Variants in TIAM1 observed in about 807,000 individuals in gnomAD.
The protein encoded by TIAM1 is TIAM Rac1 associated GEF 1.
In TIAM1, 65 loss-of-function variants were observed where a neutral mutation model predicts 163.5. That is an observed-to-expected ratio of 0.40 (90% CI 0.33 to 0.49). TIAM1 has a LOEUF of 0.49. Ranked by LOEUF, TIAM1 falls within the 20% of genes least tolerant of loss-of-function variation. The pLI, the probability that TIAM1 is intolerant of heterozygous loss-of-function variation, is 0.77. For synonymous variants in TIAM1, 833 were observed against 810.1 expected (o/e 1.03, Z -0.48); for missense variants, 1,789 against 2,044.7 (o/e 0.87, Z 2.41).
chr21:31,427,444 G>A (rs555747722), intron 2 of TIAM1, among the ~76,000 whole-genome samples: 129 of 151,910 alleles, frequency 8.5e-4, no homozygotes, highest in Non-Finnish European at 6.0e-4. Context: ...CCGAGATTAT[G>A]CCACTGCACT....
chr21:31,385,829 A>C (rs1335457150), intron 2 of TIAM1, among the ~76,000 whole-genome samples: 1 of 147,342 alleles, frequency 6.8e-6, no homozygotes, highest in African/African-American at 2.5e-5. Context: ...AAAATGTTTA[A>C]TATATTATAT....
chr21:31,242,234 A>C (rs2146704167), intron 6 of TIAM1, among the ~76,000 whole-genome samples: 1 of 152,300 alleles, frequency 6.6e-6, no homozygotes, highest in East Asian at 1.9e-4. Flanking sequence ...GTTTGAAAGA[A>C]CCAGGCCAGG....
intron 2 of TIAM1, among the ~76,000 whole-genome samples, chr21:31,370,488 G>A (rs949600642): frequency 6.6e-6 from 1 of 152,150 alleles, no homozygotes; most frequent in Non-Finnish European, 1.5e-5. Flanking sequence ...TTTTGTGTGT[G>A]CACGCGCATG....
chr21:31,340,064 A>T (rs914233573), intron 1 of TIAM1, among the ~76,000 whole-genome samples: 2 of 151,962 alleles, frequency 1.3e-5, no homozygotes, highest in Non-Finnish European at 2.9e-5. Flanking sequence ...ACTACCCAAA[A>T]TGTAAACCAA....
chr21:31,269,105 T>C (rs2072929892), intron 3 of TIAM1, among the ~76,000 whole-genome samples: 1 of 152,234 alleles, frequency 6.6e-6, no homozygotes, highest in Non-Finnish European at 1.5e-5. Context: ...CAAACATAAA[T>C]TGACACATAT....
At chr21:31,123,611 C>T (rs2082078666) in intron 27 of TIAM1, among the ~76,000 whole-genome samples, 1 of 152,182 alleles carries the variant, frequency 6.6e-6, no homozygotes, top group Non-Finnish European at 1.5e-5. Flanking sequence ...CAAGCATTCA[C>T]ACTTCTGTCC....
intron 1 of TIAM1, among the ~76,000 whole-genome samples, chr21:31,545,511 C>T (rs2048458576): frequency 6.6e-6 from 1 of 152,156 alleles, no homozygotes; most frequent in Non-Finnish European, 1.5e-5. Context: ...TGGGATCATT[C>T]ATGAACCAGG....
intron 2 of TIAM1, among the ~76,000 whole-genome samples, chr21:31,461,198 T>C (rs959253258): frequency 2.4e-4 from 36 of 152,114 alleles, no homozygotes; most frequent in African/African-American, 8.4e-4. Context: ...AATGCTGAAT[T>C]TGAGGCCAGG....
At chr21:31,365,160 G>A (rs1221095729) in intron 2 of TIAM1, among the ~76,000 whole-genome samples, 1 of 152,114 alleles carries the variant, frequency 6.6e-6, no homozygotes, top group Admixed American at 6.5e-5. Context: ...CCCAGATCTA[G>A]TCTCCAAACA....
chr21:31,466,663 AGACGTCCTGGCCC>A (rs2045543340), intron 1 of TIAM1, among the ~76,000 whole-genome samples: 1 of 152,208 alleles, frequency 6.6e-6, no homozygotes, highest in Non-Finnish European at 1.5e-5. Context: ...AGCAGAATCC[AGACGTCCTGGCCC>A]GAAGCTCAGT....
intron 6 of TIAM1, among the ~76,000 whole-genome samples, chr21:31,242,085 T>C (rs938576330): frequency 3.3e-5 from 5 of 152,116 alleles, no homozygotes; most frequent in African/African-American, 4.8e-5. Flanking sequence ...AAAAGTCCCA[T>C]GTTGAGTGTA....
At chr21:31,384,488 T>C (rs144221672) in intron 2 of TIAM1, among the ~76,000 whole-genome samples, 71 of 151,876 alleles carry the variant, frequency 4.7e-4, no homozygotes, top group African/African-American at 1.4e-3. Context: ...GGTGGGAGGA[T>C]TGTTTGAGCA....
intron 2 of TIAM1, among the ~76,000 whole-genome samples, chr21:31,385,584 A>T (rs2076851894): frequency 6.6e-6 from 1 of 151,894 alleles, no homozygotes; most frequent in Non-Finnish European, 1.5e-5. Flanking sequence ...ACCCTGAAAT[A>T]GGAGGGAGGA....
chr21:31,405,847 C>A (rs1422989149), intron 2 of TIAM1, among the ~76,000 whole-genome samples: 2 of 152,142 alleles, frequency 1.3e-5, no homozygotes, highest in Non-Finnish European at 2.9e-5. Context: ...CCTCCCAACA[C>A]ACACAACACA....
chr21:31,271,707 G>A (rs1007784240), intron 3 of TIAM1, among the ~76,000 whole-genome samples: 3 of 100,810 alleles, frequency 3.0e-5, no homozygotes, highest in Admixed American at 1.1e-4. Context: ...GAGGGCAAGT[G>A]TAGAACTGCT....
intron 6 of TIAM1, 54 bp from the exon 7 acceptor site, chr21:31,226,004 G>T (rs2087946733): frequency 3.3e-6 from 5 of 1,511,650 alleles, no homozygotes; most frequent in Non-Finnish European, 2.7e-6. Context: ...GAACTTAAGA[G>T]AAATGAACCG....
intron 1 of TIAM1, among the ~76,000 whole-genome samples, chr21:31,494,284 C>G (rs966274955): frequency 1.3e-5 from 2 of 152,126 alleles, no homozygotes; most frequent in African/African-American, 2.4e-5. Flanking sequence ...ATGATGCCAG[C>G]TCCTCTTGCC....
chr21:31,283,038 G>T (rs2073639850), intron 2 of TIAM1, among the ~76,000 whole-genome samples: 1 of 152,146 alleles, frequency 6.6e-6, no homozygotes, highest in African/African-American at 2.4e-5. Flanking sequence ...TTAATCAACA[G>T]GTTCAGCCAG....
At chr21:31,147,398 G>A (rs370291459) in intron 19 of TIAM1, among the ~76,000 whole-genome samples, 13 of 151,836 alleles carry the variant, frequency 8.6e-5, no homozygotes, top group South Asian at 8.3e-4. Flanking sequence ...CATACCTCCC[G>A]CCCCCGAAGC....
Sources: allele counts gnomAD v4.1 joint callset (sites outside exome capture counted in the v4.1 genomes callset), GRCh38; gene constraint gnomAD v4.1.1; transcripts MANE v1.5; gene names NCBI Gene and HGNC (gene_info 2026-07-23, HGNC 2026-07-21).